CHERP: variants seen among roughly 807,000 people sequenced by gnomAD.
CHERP encodes the protein ERPROT 213-21.
CHERP carries 8 observed loss-of-function variants against 113.8 expected under a neutral mutation model. The ratio of observed to expected loss-of-function variants is 0.07; its 90% CI spans 0.04 to 0.13. The LOEUF (loss-of-function observed/expected upper bound fraction) is 0.13, where lower values mean the gene tolerates loss of function less well. Ranked by LOEUF, CHERP falls within the 10% of genes least tolerant of loss-of-function variation. The probability of loss-of-function intolerance (pLI) is 1.00; values close to 1 mark genes in which losing one functional copy is unlikely to be tolerated. For synonymous variants in CHERP, 559 were observed against 524.5 expected, an observed-to-expected ratio of 1.07 and a Z score of -0.90; for missense variants, 884 against 1,298.2, an observed-to-expected ratio of 0.68 and a Z score of 4.90.
In CHERP at chr19:16,525,413, C is replaced by T; in HGVS notation, c.1570G>A (p.Gly524Arg). Residue 524 changes from glycine to arginine, a missense_variant, in exon 10 of 17, where the codon GGG becomes AGG. By Grantham distance (125) the Gly-to-Arg change is moderately radical. This residue lies in a region of CHERP where 464 missense variants were observed against 590.1 expected (regional missense o/e 0.79). Coordinates refer to ENST00000546361, the MANE Select transcript of CHERP (RefSeq NM_006387.6). This position sits in a 1 kb window ranked among gnomAD's most constrained non-coding sequence, Gnocchi z 6.5. ...TGCTGCTGGTGGGGCGGGAAGGGCC[C>T]CCGGAAGTGTGGGGGCCGCTGCATG... Reference protein sequence around the residue: ...FRMQRPPHFRGPFPPHQQHPQ... With the variant: ...FRMQRPPHFRRPFPPHQQHPQ... The T allele has an allele frequency of 6.6e-7, 1 of 1,513,032 alleles. No individual in the cohort carries two copies. The highest frequency in any genetic ancestry group is 8.8e-7 in the Non-Finnish European group (1 of 1,130,338). The allele number at this position is 1,513,032 out of a possible 1,614,324, so 93.7% of individuals were successfully genotyped here.
Position 16,529,699 on chromosome 19 carries a change from G to A in CHERP, c.1078C>T (p.Pro360Ser). ...GGGGCAGGTGCTGGGGCCGGGGGTG[G>A]AGCAGGCGGTGGAGGCGTGGCCTTG... ...EVKATPPPPA[P>S]PPAPAPAPAI... Residue 360 changes from proline to serine, a missense_variant, in exon 8 of 17, where the codon CCA (proline) becomes TCA (serine). Physicochemically the swap from Pro to Ser is moderately conservative, Grantham distance 74. This residue lies in a region of CHERP where 464 missense variants were observed against 590.1 expected (regional missense o/e 0.79). Transcript: ENST00000546361. 1 of 1,583,254 alleles carries A rather than the reference G, an allele frequency of 6.3e-7. No homozygotes were observed. Among genetic ancestry groups the A allele is most frequent in the Non-Finnish European group, 8.6e-7 (1 of 1,169,226 alleles).
chr19:16,522,219 C>T (rs1160554428), intron 11 of CHERP, among the ~76,000 whole-genome samples: 9 of 152,118 alleles, frequency 5.9e-5, no homozygotes, highest in Admixed American at 5.2e-4. Context: ...CAGTGGCCAG[C>T]ATGCCCTTGG....
At chr19:16,522,694 T>C (rs1167355493) in intron 11 of CHERP, among the ~76,000 whole-genome samples, 1 of 152,126 alleles carries the variant, frequency 6.6e-6, no homozygotes. Context: ...AGCTCACAGG[T>C]GGCTCCTTCT....
Position 16,519,796 on chromosome 19 carries a change from C to A in CHERP, c.2463-81G>T. ...GACAGTGATGAGGACCTCACAGCCGCAGCTTGCGTGCATGCTCACTGTCAC... is the reference window on the plus strand; with the variant it reads ...GACAGTGATGAGGACCTCACAGCCGAAGCTTGCGTGCATGCTCACTGTCAC... On this transcript the variant is annotated intron_variant, in intron 15 of 16. Transcript: ENST00000546361. The surrounding 1 kb of genome is among the most constrained non-coding windows in gnomAD (Gnocchi z 6.0). 8.2e-7 allele frequency: 1 copy of A among 1,213,140 alleles called. No homozygotes were observed. Among genetic ancestry groups the A allele is most frequent in the Non-Finnish European group, 1.2e-6 (1 of 816,402 alleles). 75.1% of individuals were successfully genotyped at this position (1,213,140 alleles called of 1,614,324 possible). A position where few individuals can be genotyped will look rare whatever the true frequency, so the allele number is the denominator to read the frequency against.
chr19:16,531,213 G>A lies in CHERP; in HGVS notation c.675-333C>T, dbSNP rs540637348. On this transcript the variant is annotated intron_variant, in intron 5 of 16. Transcript: ENST00000546361. ...GGTGAAGGGATATGGGCCGGCGGGA[G>A]CCCCTGCCTGTGTATGATGGGCGGG... 2.2e-3 allele frequency among the ~76,000 whole-genome samples: 328 copies of A among 152,284 alleles called. 1 individual carries two copies. Among genetic ancestry groups the A allele is most frequent in the African/African-American group, 7.7e-3 (321 of 41,572 alleles).
In CHERP at chr19:16,518,539, T is replaced by G. The variant is rs2085570707; in HGVS notation, c.*620A>C. ...TTAGGTTTCAGAATCTCACTGGGCCTCCTCTCAGGTCAGTATTCTTCTTTC... is the reference window on the plus strand; with the variant it reads ...TTAGGTTTCAGAATCTCACTGGGCCGCCTCTCAGGTCAGTATTCTTCTTTC... On this transcript the variant is annotated 3_prime_UTR_variant, in exon 17 of 17. Transcript: ENST00000546361. 6.6e-6 allele frequency: 1 copy of G among 152,250 alleles called. No homozygotes were observed. The highest frequency in any genetic ancestry group is 1.5e-5 in the Non-Finnish European group (1 of 68,086). The allele number at this position is 152,250 out of a possible 1,614,324, so 9.4% of individuals were successfully genotyped here. A position where few individuals can be genotyped will look rare whatever the true frequency, so the allele number is the denominator to read the frequency against.
Position 16,525,710 on chromosome 19 carries a change from T to G in CHERP, c.1306-33A>C, listed in dbSNP as rs1433017973. On this transcript the variant is annotated intron_variant, in intron 9 of 16. Coordinates refer to ENST00000546361, the MANE Select transcript of CHERP (RefSeq NM_006387.6). The surrounding 1 kb of genome is among the most constrained non-coding windows in gnomAD (Gnocchi z 6.5). The stretch of plus-strand genomic sequence containing the variant: ...GGAAGGGACAGGCTTGAGCCCTGCG[T>G]GGTCTAGGCCCTAGTGCTCGGCAGC... The G allele has an allele frequency of 3.5e-5, 52 of 1,470,920 alleles. No individual in the cohort carries two copies. The highest frequency in any genetic ancestry group is 4.4e-5 in the Non-Finnish European group (49 of 1,109,364). 91.1% of individuals were successfully genotyped at this position (1,470,920 alleles called of 1,614,324 possible). A position where few individuals can be genotyped will look rare whatever the true frequency, so the allele number is the denominator to read the frequency against.
intron 1 of CHERP, 44 bp from the exon 2 acceptor site, chr19:16,542,087 G>T: frequency 1.9e-6 from 3 of 1,566,668 alleles, no homozygotes; most frequent in South Asian, 2.3e-5. Context: ...AGCGAGGACC[G>T]CCCAAAGCCG....
At chr19:16,526,328 C>G (rs1274016521) in intron 9 of CHERP, 6 of 152,448 alleles carry the variant, frequency 3.9e-5, no homozygotes, top group African/African-American at 1.4e-4. Flanking sequence ...AGCACAGAGG[C>G]CAATGAGAAG....
rs116593693 is a variant in CHERP at position 16,518,898 on chromosome 19, C to T, written c.*261G>A. 9 of 511,202 alleles carry T rather than the reference C, an allele frequency of 1.8e-5. No individual in the cohort carries two copies. The highest frequency in any genetic ancestry group is 7.7e-5 in the Admixed American group (2 of 25,944). The allele number at this position is 511,202 out of a possible 1,614,324, so 31.7% of individuals were successfully genotyped here. A position where few individuals can be genotyped will look rare whatever the true frequency, so the allele number is the denominator to read the frequency against. On this transcript the variant is annotated 3_prime_UTR_variant, in exon 17 of 17. Transcript: ENST00000546361. ...GCGGAGGGTCTTGTGTTTTTTGCTT[C>T]GCTATAAAGGAAAACGAGCCTGGGG... is the stretch of plus-strand genomic sequence containing the variant.
At position 16,530,826 on chromosome 19, in the gene CHERP, G is replaced by A. The variant is rs1211772912; in HGVS notation, c.729C>T (p.Pro243=). The A allele has an allele frequency of 1.2e-6, 2 of 1,613,886 alleles. No homozygotes were observed. The highest frequency in any genetic ancestry group is 2.2e-5 in the East Asian group (1 of 44,876). ...LLAALQKVVV[P]IYCTSFLAVE... ...CGGCCAAGAAGCTGGTGCAGTAGAT[G>A]GGCACCACGACCTTCTGCAGGGCGG... The change falls in exon 6 of 17, where the codon CCC becomes CCT. Residue 243 remains proline (P), a synonymous_variant. Transcript: ENST00000546361. The surrounding 1 kb of genome is among the most constrained non-coding windows in gnomAD (Gnocchi z 4.1).
chr19:16,530,504 C>T lies in CHERP; in HGVS notation c.876+81G>A, dbSNP rs1401630981. 6.1e-6 allele frequency: 8 copies of T among 1,316,562 alleles called. No homozygotes were observed. The highest frequency in any genetic ancestry group is 8.7e-6 in the Non-Finnish European group (8 of 915,068). 81.6% of individuals were successfully genotyped at this position (1,316,562 alleles called of 1,614,324 possible). On this transcript the variant is annotated intron_variant, in intron 7 of 16. Coordinates refer to ENST00000546361, the MANE Select transcript of CHERP (RefSeq NM_006387.6). This position sits in a 1 kb window ranked among gnomAD's most constrained non-coding sequence, Gnocchi z 4.1. ...GGCTCTCTGGCTGCTGGGGTGGCAG[C>T]TGCTGTCCCCACACTCCCAAACCCT...
chr19:16,521,411 T>G, intron 12 of CHERP, 110 bp downstream of exon 12: 1 of 1,072,336 alleles, frequency 9.3e-7, no homozygotes, highest in East Asian at 2.7e-5. Flanking sequence ...GGAGGGCAGT[T>G]TCTCCTGAGG....
Position 16,521,547 on chromosome 19 carries a change from G to C in CHERP, c.2088C>G (p.Pro696=). 1.9e-6 allele frequency: 3 copies of C among 1,602,484 alleles called. No homozygotes were observed. Among genetic ancestry groups the C allele is most frequent in the Non-Finnish European group, 2.6e-6 (3 of 1,176,194 alleles). ...TGTTCCTGGGCCTGTCGTGGGACGGGGGGCTGTAGAAGGCCTCCACTGCAG... is the reference window on the plus strand; with the variant it reads ...TGTTCCTGGGCCTGTCGTGGGACGGCGGGCTGTAGAAGGCCTCCACTGCAG... ...LLAAVEAFYS[P]PSHDRPRNSE... The change falls in exon 12 of 17, where the codon CCC becomes CCG. Residue 696 remains proline, a synonymous_variant. Coordinates refer to ENST00000546361, the MANE Select transcript of CHERP (RefSeq NM_006387.6).
At chr19:16,537,075 A>ACCCCATGATC (rs1481254506) in intron 2 of CHERP, among the ~76,000 whole-genome samples, 2 of 152,020 alleles carry the variant, frequency 1.3e-5, no homozygotes, top group Non-Finnish European at 2.9e-5. Context: ...TTCTCCCTTT[A>ACCCCATGATC]CCCCATGATC....
chr19:16,542,298 G>A, intron 1 of CHERP, 56 bp downstream of exon 1: 1 of 1,376,916 alleles, frequency 7.3e-7, no homozygotes, highest in Non-Finnish European at 9.5e-7. Context: ...GGCGGGGCCG[G>A]CCAATAGGAG....
At position 16,525,213 on chromosome 19, in the gene CHERP, A is replaced by G; in HGVS notation, c.1741+29T>C. 1.4e-6 allele frequency: 2 copies of G among 1,400,828 alleles called. No homozygotes were observed. Among genetic ancestry groups the G allele is most frequent in the Non-Finnish European group, 1.9e-6 (2 of 1,077,098 alleles). 86.8% of individuals were successfully genotyped at this position (1,400,828 alleles called of 1,614,324 possible). On this transcript the variant is annotated intron_variant, in intron 10 of 16. Coordinates refer to ENST00000546361, the MANE Select transcript of CHERP (RefSeq NM_006387.6). This position sits in a 1 kb window ranked among gnomAD's most constrained non-coding sequence, Gnocchi z 6.5. ...CAGGCGAGCCGTGGATGCCTCCGCCAGGCCCTACCCAGGCGCCCGTACACT... is the reference window on the plus strand; with the variant it reads ...CAGGCGAGCCGTGGATGCCTCCGCCGGGCCCTACCCAGGCGCCCGTACACT...
In CHERP at chr19:16,541,897, A is replaced by C; in HGVS notation, c.172T>G (p.Cys58Gly). The change falls in exon 2 of 17, where the codon TGC becomes GGC. Residue 58 changes from cysteine to glycine, a missense_variant. Transcript: ENST00000546361. ...FGGEFYSYYK[C>G]KLALEQQQLI... ...TGCTGCTGCTCCAGCGCCAGCTTGC[A>C]CTTGTAGTAACTGTAGAATTCGCCT... 1 of 1,613,558 alleles carries C rather than the reference A, an allele frequency of 6.2e-7. No homozygotes were observed. Among genetic ancestry groups the C allele is most frequent in the Non-Finnish European group, 8.5e-7 (1 of 1,179,928 alleles).
intron 10 of CHERP, among the ~76,000 whole-genome samples, chr19:16,524,010 G>A (rs569517504): frequency 1.3e-5 from 2 of 152,092 alleles, no homozygotes; most frequent in Non-Finnish European, 2.9e-5. Context: ...TCAGCACTTT[G>A]GGAGGCCAAG....
Sources: allele counts gnomAD v4.1 joint callset (sites outside exome capture counted in the v4.1 genomes callset), GRCh38; gene constraint gnomAD v4.1.1; regional missense constraint gnomAD v4.1.1; non-coding constraint Gnocchi (gnomAD v3.1); transcripts MANE v1.5; gene names NCBI Gene and HGNC (gene_info 2026-07-23, HGNC 2026-07-21).